Variants in EFR3A observed in about 807,000 individuals in gnomAD.
The protein encoded by EFR3A is EFR3 homolog A.
A neutral mutation model predicts 104.4 loss-of-function variants in EFR3A; 76 were observed. That is an observed-to-expected ratio of 0.73 (90% CI 0.60 to 0.88). The LOEUF is 0.88. Ranked by LOEUF, EFR3A falls within the 40% of genes least tolerant of loss-of-function variation. EFR3A has a pLI of 0.00. For synonymous variants in EFR3A, 330 were observed against 330.0 expected (o/e 1.00, Z 0.00); for missense variants, 985 against 1,012.5 (o/e 0.97, Z 0.37).
chr8:131,981,036 T>C (rs1820585673), intron 14 of EFR3A, among the ~76,000 whole-genome samples: 1 of 148,866 alleles, frequency 6.7e-6, no homozygotes, highest in Non-Finnish European at 1.5e-5. Context: ...TATATATATA[T>C]ATATATATAC....
intron 1 of EFR3A, among the ~76,000 whole-genome samples, chr8:131,922,141 T>C (rs1817063263): frequency 6.6e-6 from 1 of 152,158 alleles, no homozygotes; most frequent in Non-Finnish European, 1.5e-5. Context: ...TTCCAATCTC[T>C]TCCGCTGTCT....
chr8:132,008,239 C>T (rs1034012416), intron 22 of EFR3A, among the ~76,000 whole-genome samples: 8 of 151,994 alleles, frequency 5.3e-5, no homozygotes, highest in African/African-American at 1.9e-4. Context: ...TTTTCAGTGG[C>T]CAAGACAGTA....
At chr8:131,934,700 C>A (rs112356334) in intron 1 of EFR3A, among the ~76,000 whole-genome samples, 26 of 151,616 alleles carry the variant, frequency 1.7e-4, no homozygotes, top group African/African-American at 6.1e-4. Flanking sequence ...GTGTATATTG[C>A]TCTTTGGGTA....
At chr8:132,003,310 C>T (rs1237760473) in intron 22 of EFR3A, 25 bp downstream of exon 22, 5 of 1,596,734 alleles carry the variant, frequency 3.1e-6, no homozygotes, top group East Asian at 4.5e-5. Context: ...ATCACAATAG[C>T]AATAACACAC....
At position 131,983,286 on chromosome 8, in the gene EFR3A, G is replaced by C. The variant is rs1205298598; in HGVS notation, c.1576-853G>C. 3.9e-5 allele frequency among the ~76,000 whole-genome samples: 6 copies of C among 152,122 alleles called. No individual in the cohort carries two copies. In the East Asian group the frequency reaches 1.2e-3, roughly 29 times the overall value. On this transcript the variant is annotated intron_variant, in intron 14 of 22. Transcript: ENST00000254624. The stretch of plus-strand genomic sequence containing the variant: ...TTATACTTGAAAAATACTGATGCTT[G>C]TGCTTTGCCACTGACCAGTTACATC...
At position 131,936,033 on chromosome 8, in the gene EFR3A, TA is replaced by T. The variant is rs77554712; in HGVS notation, c.11-4465del. Among the ~76,000 whole-genome samples the T allele has an allele frequency of 9.9e-4, 150 of 152,226 alleles. 4 individuals carry two copies. The East Asian group carries it at 0.027, about 28-fold the overall frequency. On this transcript the variant is annotated intron_variant, in intron 1 of 22. Transcript: ENST00000254624. ...GAGTGCCTGCGTGCCTAATCCATAC[TA>T]TCAGTTTCACCTTGAGTTTCTCTAT...
At chr8:131,937,855 A>G (rs1817983280) in intron 1 of EFR3A, among the ~76,000 whole-genome samples, 1 of 151,214 alleles carries the variant, frequency 6.6e-6, no homozygotes, top group Non-Finnish European at 1.5e-5. Flanking sequence ...TTTGGGACCC[A>G]AGTGAGTTTG....
chr8:131,913,000 T>G (rs1816582179), intron 1 of EFR3A, among the ~76,000 whole-genome samples: 1 of 110,828 alleles, frequency 9.0e-6, no homozygotes, highest in South Asian at 2.8e-4. Flanking sequence ...TTTTTTTTTT[T>G]GAAAGGAGGA....
chr8:131,916,891 T>C (rs573774734), intron 1 of EFR3A, among the ~76,000 whole-genome samples: 16 of 152,338 alleles, frequency 1.1e-4, no homozygotes, highest in African/African-American at 3.1e-4. Context: ...ACAATTGTTG[T>C]GTCTCAGCCG....
intron 5 of EFR3A, 84 bp from the exon 6 acceptor site, chr8:131,953,734 T>A: frequency 8.4e-7 from 1 of 1,190,846 alleles, no homozygotes; most frequent in Non-Finnish European, 1.1e-6. Context: ...ATTTACTTGA[T>A]ATCCATTCTC....
At chr8:131,933,495 A>T (rs931155777) in intron 1 of EFR3A, among the ~76,000 whole-genome samples, 1 of 151,810 alleles carries the variant, frequency 6.6e-6, no homozygotes, top group South Asian at 2.1e-4. Flanking sequence ...ATTTGTGTTA[A>T]TTTTTTTTCA....
rs531792318 is a variant in EFR3A at position 131,964,123 on chromosome 8, T to C, written c.856-4172T>C. 1.8e-3 allele frequency among the ~76,000 whole-genome samples: 279 copies of C among 152,208 alleles called. 2 individuals carry two copies. Among genetic ancestry groups the C allele is most frequent in the African/African-American group, 6.6e-3 (272 of 41,524 alleles). On this transcript the variant is annotated intron_variant, in intron 8 of 22. Transcript: ENST00000254624. ...AACCCACAGCCAATATCATACTGAA[T>C]GGGGAAAAACTGGAAGCATTCCCTT... is the stretch of plus-strand genomic sequence containing the variant.
intron 1 of EFR3A, among the ~76,000 whole-genome samples, chr8:131,904,727 C>T (rs1816154360): frequency 6.6e-6 from 1 of 152,220 alleles, no homozygotes; most frequent in African/African-American, 2.4e-5. Flanking sequence ...GTGGACGCGC[C>T]GGCCCCGAGT....
At chr8:131,929,250 C>G (rs1232737909) in intron 1 of EFR3A, among the ~76,000 whole-genome samples, 1 of 152,124 alleles carries the variant, frequency 6.6e-6, no homozygotes, top group Non-Finnish European at 1.5e-5. Context: ...GTTGTCCAAA[C>G]TTTCCTGTCT....
intron 18 of EFR3A, among the ~76,000 whole-genome samples, chr8:131,992,797 T>G (rs1563698972): frequency 6.6e-6 from 1 of 151,982 alleles, no homozygotes; most frequent in Non-Finnish European, 1.5e-5. Flanking sequence ...CTAGATTAAT[T>G]AGGGAAGGTT....
At chr8:131,961,595 T>C (rs1819334523) in intron 8 of EFR3A, among the ~76,000 whole-genome samples, 1 of 152,170 alleles carries the variant, frequency 6.6e-6, no homozygotes, top group Admixed American at 6.5e-5. Flanking sequence ...TTGGTGTACC[T>C]GAAAGTGACG....
At position 131,984,942 on chromosome 8, in the gene EFR3A, T is replaced by A. The variant is rs147562541; in HGVS notation, c.1751T>A (p.Ile584Asn). The change falls in exon 16 of 23, where the codon ATC becomes AAC. Residue 584 changes from isoleucine (I) to asparagine (N), a missense_variant. Ile to Asn is a moderately radical substitution (Grantham distance 149). Coordinates refer to ENST00000254624, the MANE Select transcript of EFR3A (RefSeq NM_015137.6). ...LAIALQDSAI[I>N]NEDNLPMFHR... ...TTCTTATTAAAGGACAGTGCAATTA[T>A]CAATGAGGATAATTTGCCAATGTTC... The A allele has an allele frequency of 6.6e-5, 106 of 1,613,300 alleles. No individual in the cohort carries two copies. The highest frequency in any genetic ancestry group is 8.7e-5 in the Non-Finnish European group (103 of 1,179,566).
chr8:131,934,988 A>C (rs1378496044), intron 1 of EFR3A, among the ~76,000 whole-genome samples: 2 of 152,166 alleles, frequency 1.3e-5, no homozygotes, highest in Non-Finnish European at 2.9e-5. Flanking sequence ...TATGTGAGGC[A>C]GACTCTTTTA....
rs529463202 is a variant in EFR3A at position 131,938,190 on chromosome 8, T to G, written c.11-2309T>G. 3.6e-4 allele frequency: 143 copies of G among 397,098 alleles called. 2 individuals carry two copies. Among genetic ancestry groups the G allele is most frequent in the African/African-American group, 2.8e-3 (134 of 48,510 alleles). The allele number at this position is 397,098 out of a possible 1,614,324, so 24.6% of individuals were successfully genotyped here. ...GAACAGTAGGTAAAAGGATCTAGAG[T>G]CAGAAAGATCGACTAGAAAATAGTC... On this transcript the variant is annotated intron_variant, in intron 1 of 22. Transcript: ENST00000254624.
Sources: gnomAD v4.1 joint callset for allele counts (sites outside exome capture counted in the v4.1 genomes callset) on GRCh38, gnomAD v4.1.1 for gene constraint, MANE v1.5 for transcripts, NCBI Gene and HGNC (gene_info 2026-07-23, HGNC 2026-07-21) for gene names.